The following KAZN variants were observed in gnomAD, a reference collection of about 807,000 sequenced individuals.
The protein encoded by KAZN is kazrin, periplakin interacting protein.
Under a neutral mutation model 87.4 loss-of-function variants are expected in KAZN, and 40 were observed. That is an observed-to-expected ratio of 0.46 (90% CI 0.36 to 0.60). The LOEUF (loss-of-function observed/expected upper bound fraction) is 0.60, where lower values mean the gene tolerates loss of function less well. Ranked by LOEUF, KAZN falls within the 20% of genes least tolerant of loss-of-function variation. KAZN has a pLI of 0.00. For missense variants in KAZN, 898 were observed against 1,073.9 expected (o/e 0.84, Z 2.29); for synonymous variants, 466 against 458.3 (o/e 1.02, Z -0.22).
chr1:14,342,481 CTA>C (rs1211363667), intron 2 of KAZN, among the ~76,000 whole-genome samples: 6 of 152,206 alleles, frequency 3.9e-5, no homozygotes, highest in African/African-American at 1.4e-4. Flanking sequence ...CATACAAACT[CTA>C]TGAGGGCAGA....
At chr1:13,928,717 G>T (rs554027875) in intron 1 of KAZN, among the ~76,000 whole-genome samples, 1 of 152,270 alleles carries the variant, frequency 6.6e-6, no homozygotes, top group African/African-American at 2.4e-5. Context: ...GCATATTTTG[G>T]GGAAAGAAAG....
intron 2 of KAZN, among the ~76,000 whole-genome samples, chr1:14,433,970 C>T (rs1295563191): frequency 6.6e-6 from 1 of 152,258 alleles, no homozygotes; most frequent in African/African-American, 2.4e-5. Context: ...TGTTTGCAAA[C>T]CAGGAAGGGG....
Position 14,407,386 on chromosome 1 carries a change from GA to G in KAZN, c.250-191594del, listed in dbSNP as rs534460410. On this transcript the variant is annotated intron_variant, in intron 2 of 16. Coordinates refer to the KAZN transcript ENST00000636203. ...ATCAGATATTGTTCTGCTGGTCATT[GA>G]AAGAAGTCCTTACAAAGACTATCCA... 2.3e-3 allele frequency among the ~76,000 whole-genome samples: 358 copies of G among 152,344 alleles called. 3 individuals are homozygous for G. The highest frequency in any genetic ancestry group is 0.01 in the Middle Eastern group (3 of 294).
rs61100647 is a variant in KAZN, at chr1:14,943,070, GTTT to G, written c.227-17601_227-17599del. On this transcript the variant is annotated intron_variant, in intron 1 of 14. Coordinates refer to ENST00000376030, the MANE Select transcript of KAZN (RefSeq NM_201628.3). Reference sequence around the variant, plus strand: ...TGTGTGTTGGGGAGGAGAGCCTTGGGTTTTTTTTTTTTTTTAATTTACATTTTT... The same window carrying G: ...TGTGTGTTGGGGAGGAGAGCCTTGGGTTTTTTTTTTTTAATTTACATTTTT... Among the ~76,000 whole-genome samples the G allele has an allele frequency of 3.1e-3, 371 of 119,116 alleles. 35 individuals carry two copies. Among genetic ancestry groups the G allele is most frequent in the African/African-American group, 0.013 (342 of 25,590 alleles). 78.1% of individuals were successfully genotyped at this position (119,116 alleles called of 152,430 possible).
chr1:14,219,515 A>C (rs573584689), intron 2 of KAZN, among the ~76,000 whole-genome samples: 73 of 152,272 alleles, frequency 4.8e-4, no homozygotes, highest in African/African-American at 1.6e-3. Flanking sequence ...GCAAAATAAG[A>C]CTCACACCAC....
intron 1 of KAZN, among the ~76,000 whole-genome samples, chr1:14,633,884 C>A (rs10927474): frequency 0.4 from 60,004 of 149,550 alleles, 12,163 homozygotes; most frequent in Middle Eastern, 0.54. Flanking sequence ...CTCTCTCTCT[C>A]TATATATATA....
intron 1 of KAZN, among the ~76,000 whole-genome samples, chr1:14,684,977 G>GTGAC (rs1640870489): frequency 6.6e-6 from 1 of 152,182 alleles, no homozygotes. Flanking sequence ...TGTGTACATG[G>GTGAC]TGACATTCAT....
intron 2 of KAZN, among the ~76,000 whole-genome samples, chr1:14,565,388 A>G (rs1674494996): frequency 7.7e-6 from 1 of 129,372 alleles, no homozygotes; most frequent in Non-Finnish European, 1.8e-5. Flanking sequence ...TACCTTAATT[A>G]AACATTTTAT....
chr1:15,098,655 T>C (rs1341193484), intron 10 of KAZN, among the ~76,000 whole-genome samples: 1 of 152,200 alleles, frequency 6.6e-6, no homozygotes, highest in East Asian at 1.9e-4. Flanking sequence ...AACCGTCCTG[T>C]AACAAGGCTG....
At chr1:14,149,061 GCCTTCCTTCCTTCCTT>G (rs537235829) in intron 1 of KAZN, among the ~76,000 whole-genome samples, 4 of 128,992 alleles carry the variant, frequency 3.1e-5, no homozygotes, top group African/African-American at 6.2e-5. Flanking sequence ...CTGCCTTCCT[GCCTTCCTTCCTTCCTT>G]CCTTCCTTCC....
rs543126995 is a variant in KAZN, at chr1:14,872,806, G to A, written c.227-87878G>A. 5.9e-5 allele frequency among the ~76,000 whole-genome samples: 9 copies of A among 151,864 alleles called. No individual in the cohort carries two copies. The South Asian group carries it at 6.3e-4, about 11-fold the overall frequency. Reference sequence around the variant, plus strand: ...TGGATAGGTGGATGGATGGATGGACGTACAGATGGATGGGTGGAAGGACAA... The same window carrying A: ...TGGATAGGTGGATGGATGGATGGACATACAGATGGATGGGTGGAAGGACAA... On this transcript the variant is annotated intron_variant, in intron 1 of 14. Coordinates refer to ENST00000376030, the MANE Select transcript of KAZN (RefSeq NM_201628.3).
chr1:13,933,228 C>T (rs1557729760), intron 1 of KAZN, among the ~76,000 whole-genome samples: 1 of 151,800 alleles, frequency 6.6e-6, no homozygotes, highest in Non-Finnish European at 1.5e-5. Context: ...CGCAGTGGCT[C>T]ACATCTGTAA....
At chr1:14,444,211 A>G (rs370712693) in intron 2 of KAZN, among the ~76,000 whole-genome samples, 50 of 152,114 alleles carry the variant, frequency 3.3e-4, no homozygotes, top group African/African-American at 1.2e-3. Context: ...GGAAAATGAT[A>G]TCAAAATCCA....
intron 2 of KAZN, among the ~76,000 whole-genome samples, chr1:14,358,824 GAGGAGT>G (rs1220628870): frequency 6.6e-6 from 1 of 152,156 alleles, no homozygotes; most frequent in Non-Finnish European, 1.5e-5. Context: ...TGCATTTACT[GAGGAGT>G]GTTTTACTTC....
chr1:14,402,318 T>C (rs185355878), intron 2 of KAZN, among the ~76,000 whole-genome samples: 18 of 152,160 alleles, frequency 1.2e-4, no homozygotes, highest in Middle Eastern at 3.4e-3. Flanking sequence ...ATATTAATAA[T>C]TGATAACACT....
chr1:14,812,068 T>C (rs1200499922), intron 1 of KAZN, among the ~76,000 whole-genome samples: 1 of 152,174 alleles, frequency 6.6e-6, no homozygotes, highest in Non-Finnish European at 1.5e-5. Flanking sequence ...CTTAAGATGT[T>C]AGAAGGGACA....
intron 2 of KAZN, among the ~76,000 whole-genome samples, chr1:14,997,190 TTC>T (rs1395278544): frequency 7.6e-6 from 1 of 131,094 alleles, no homozygotes; most frequent in African/African-American, 3.2e-5. Context: ...CTGTTTTCTT[TTC>T]TTTCTTTCTT....
chr1:14,591,240 T>C (rs1291820591), intron 2 of KAZN, among the ~76,000 whole-genome samples: 3 of 152,026 alleles, frequency 2.0e-5, no homozygotes, highest in Non-Finnish European at 4.4e-5. Flanking sequence ...GCCCAGGGGT[T>C]GAACCAGGTC....
At chr1:14,053,245 TCTA>T (rs1356507731) in intron 1 of KAZN, among the ~76,000 whole-genome samples, 6 of 152,296 alleles carry the variant, frequency 3.9e-5, no homozygotes, top group Middle Eastern at 3.4e-3. Flanking sequence ...GAAATGTAGT[TCTA>T]CTACCATGAG....
Sources: allele counts gnomAD v4.1 joint callset (sites outside exome capture counted in the v4.1 genomes callset), GRCh38; gene constraint gnomAD v4.1.1; transcripts MANE v1.5; gene names NCBI Gene and HGNC (gene_info 2026-07-23, HGNC 2026-07-21).